VRK2: variants seen among roughly 807,000 people sequenced by gnomAD.
VRK2 encodes the protein serine/threonine-protein kinase VRK2.
Under a neutral mutation model 57.6 loss-of-function variants are expected in VRK2, and 60 were observed. The observed-to-expected ratio is 1.04, with a 90% CI of 0.85 to 1.29. VRK2 has a LOEUF of 1.29. Ranked by LOEUF, VRK2 falls within the 50% of genes most tolerant of loss-of-function variation. The pLI, the probability that VRK2 is intolerant of heterozygous loss-of-function variation, is 0.00. For missense variants in VRK2, 705 were observed against 588.1 expected, an observed-to-expected ratio of 1.20 and a Z score of -2.06; for synonymous variants, 231 against 199.2, an observed-to-expected ratio of 1.16 and a Z score of -1.35.
In VRK2 at chr2:58,159,719, A is replaced by G; in HGVS notation, c.*26A>G. 2 of 1,612,042 alleles carry G rather than the reference A, an allele frequency of 1.2e-6. No homozygotes were observed. Among genetic ancestry groups the G allele is most frequent in the Non-Finnish European group, 1.7e-6 (2 of 1,179,368 alleles). On this transcript the variant is annotated 3_prime_UTR_variant, in exon 13 of 13. Coordinates refer to ENST00000340157, the MANE Select transcript of VRK2 (RefSeq NM_006296.7). ...AGATGATACCAAAATTCCTTTTGATAATTTTTTAAGTTTCCAGCTCTTCAC... is the reference window on the plus strand; with the variant it reads ...AGATGATACCAAAATTCCTTTTGATGATTTTTTAAGTTTCCAGCTCTTCAC...
chr2:58,011,990 T>C (rs1673430690), intron 1 of VRK2, among the ~76,000 whole-genome samples: 1 of 152,202 alleles, frequency 6.6e-6, no homozygotes, highest in Admixed American at 6.5e-5. Context: ...CAAGACACAC[T>C]GCCCCAAAAT....
At chr2:58,098,339 G>A (rs184793503) in intron 7 of VRK2, among the ~76,000 whole-genome samples, 11 of 152,104 alleles carry the variant, frequency 7.2e-5, no homozygotes, top group African/African-American at 2.2e-4. Flanking sequence ...TGTAGCCTAC[G>A]TGTACAGTGT....
At chr2:58,144,975 C>T (rs1023124406) in intron 11 of VRK2, among the ~76,000 whole-genome samples, 5 of 151,912 alleles carry the variant, frequency 3.3e-5, no homozygotes, top group Admixed American at 6.6e-5. Flanking sequence ...CTCTGCTTGC[C>T]CAGCCAATGT....
At chr2:58,144,929 G>A (rs1288415869) in intron 11 of VRK2, among the ~76,000 whole-genome samples, 1 of 151,960 alleles carries the variant, frequency 6.6e-6, no homozygotes, top group African/African-American at 2.4e-5. Context: ...CACACTTGGC[G>A]ATAAAAGCTA....
chr2:57,931,229 G>A (rs1670713380), intron 1 of VRK2, among the ~76,000 whole-genome samples: 1 of 151,828 alleles, frequency 6.6e-6, no homozygotes, highest in African/African-American at 2.4e-5. Context: ...TTTTCATAAT[G>A]GCTGTACCAA....
intron 1 of VRK2, among the ~76,000 whole-genome samples, chr2:57,970,197 A>C (rs1558518711): frequency 6.9e-6 from 1 of 145,754 alleles, no homozygotes; most frequent in African/African-American, 2.6e-5. Flanking sequence ...TAACATTATT[A>C]ATATTTATAT....
intron 7 of VRK2, among the ~76,000 whole-genome samples, chr2:58,121,372 T>A (rs539865681): frequency 1.3e-5 from 2 of 152,322 alleles, no homozygotes; most frequent in African/African-American, 4.8e-5. Context: ...TGCTTTGTAA[T>A]GTGAAGCCTG....
At chr2:57,916,205 G>A (rs1048614745) in intron 1 of VRK2, among the ~76,000 whole-genome samples, 9 of 152,022 alleles carry the variant, frequency 5.9e-5, no homozygotes, top group Non-Finnish European at 1.2e-4. Context: ...TCAGGAGTTC[G>A]AGACCAGCCT....
chr2:57,943,780 A>G (rs970699833), intron 1 of VRK2, among the ~76,000 whole-genome samples: 8 of 152,236 alleles, frequency 5.3e-5, no homozygotes, highest in South Asian at 2.1e-4. Context: ...CCTAGAGGTT[A>G]AAGAAATAAT....
chr2:58,098,983 C>T (rs1003206247), intron 7 of VRK2, among the ~76,000 whole-genome samples: 2 of 151,866 alleles, frequency 1.3e-5, no homozygotes, highest in African/African-American at 4.8e-5. Flanking sequence ...TCTTTGAAAC[C>T]TTGCTGATTT....
intron 1 of VRK2, among the ~76,000 whole-genome samples, chr2:57,976,766 T>C (rs1672263454): frequency 6.6e-6 from 1 of 152,142 alleles, no homozygotes; most frequent in Non-Finnish European, 1.5e-5. Context: ...GCAATTGCTT[T>C]TGGAGAATTT....
rs141719281 is a variant in VRK2 at position 58,048,961 on chromosome 2, T to A, written c.130T>A (p.Tyr44Asn). Residue 44 changes from tyrosine to asparagine, a missense_variant, in exon 2 of 13, where the codon TAT becomes AAT. Transcript: ENST00000340157. The part of the protein sequence containing the change: ...KIGSGGFGLI[Y>N]LAFPTNKPEK... ...TGGCTCTGGAGGATTTGGATTGATATATTTAGGTAAAGTAAAACCTTAAAT... is the reference window on the plus strand; with the variant it reads ...TGGCTCTGGAGGATTTGGATTGATAAATTTAGGTAAAGTAAAACCTTAAAT... 1 of 1,611,634 alleles carries A rather than the reference T, an allele frequency of 6.2e-7. No homozygotes were observed. The highest frequency in any genetic ancestry group is 1.3e-5 in the African/African-American group (1 of 74,892).
intron 8 of VRK2, among the ~76,000 whole-genome samples, 178 bp downstream of exon 8, chr2:58,123,411 A>G (rs1677828069): frequency 1.3e-5 from 2 of 152,204 alleles, no homozygotes; most frequent in South Asian, 2.1e-4. Context: ...CTAACAGTGG[A>G]AAGAAATTTA....
intron 3 of VRK2, 21 bp downstream of exon 3, chr2:58,084,159 T>C: frequency 6.3e-7 from 1 of 1,587,252 alleles, no homozygotes; most frequent in African/African-American, 1.3e-5. Flanking sequence ...CTCATAGATT[T>C]GTATTTCACA....
intron 1 of VRK2, among the ~76,000 whole-genome samples, chr2:57,932,305 C>T (rs1670754710): frequency 1.3e-5 from 2 of 152,078 alleles, no homozygotes; most frequent in South Asian, 4.1e-4. Flanking sequence ...ATGGAATTTA[C>T]CAGTGAAGCC....
intron 11 of VRK2, among the ~76,000 whole-genome samples, chr2:58,143,304 C>T (rs1368022773): frequency 6.6e-6 from 1 of 151,928 alleles, no homozygotes; most frequent in Non-Finnish European, 1.5e-5. Context: ...TTCATACCTA[C>T]TTTCTTGAAA....
At chr2:57,964,731 C>G (rs1026184140) in intron 1 of VRK2, among the ~76,000 whole-genome samples, 1 of 151,776 alleles carries the variant, frequency 6.6e-6, no homozygotes, top group Non-Finnish European at 1.5e-5. Flanking sequence ...ACTAAAAATA[C>G]AAAAATTAGC....
intron 2 of VRK2, among the ~76,000 whole-genome samples, chr2:58,053,437 C>G (rs983298086): frequency 2.0e-5 from 3 of 152,122 alleles, no homozygotes; most frequent in African/African-American, 7.2e-5. Flanking sequence ...TAATTTTGTA[C>G]TTCAGAAACA....
intron 1 of VRK2, among the ~76,000 whole-genome samples, chr2:57,994,260 G>A (rs1672856972): frequency 6.6e-6 from 1 of 152,178 alleles, no homozygotes; most frequent in Non-Finnish European, 1.5e-5. Flanking sequence ...ACTTTGCCAG[G>A]AGAACAGCCT....
Sources: gnomAD v4.1 joint callset for allele counts (sites outside exome capture counted in the v4.1 genomes callset) on GRCh38, gnomAD v4.1.1 for gene constraint, MANE v1.5 for transcripts, NCBI Gene and HGNC (gene_info 2026-07-23, HGNC 2026-07-21) for gene names.